The following MSI2 variants were observed in gnomAD, a reference collection of about 807,000 sequenced individuals.
MSI2 encodes musashi RNA binding protein 2, also known as RNA-binding protein Musashi homolog 2.
MSI2 carries 17 observed loss-of-function variants against 45.6 expected under a neutral mutation model. The observed-to-expected ratio is 0.37, with a 90% CI of 0.26 to 0.56. The LOEUF is 0.56. Among genes scored for constraint, MSI2 ranks in the 20% least tolerant of loss-of-function variants. The probability of loss-of-function intolerance (pLI) is 0.77; values close to 1 mark genes in which losing one functional copy is unlikely to be tolerated. For synonymous variants in MSI2, 156 were observed against 158.2 expected (o/e 0.99, Z 0.11); for missense variants, 293 against 444.2 (o/e 0.66, Z 3.06).
At chr17:57,311,428 C>T (rs1297684616) in intron 5 of MSI2, among the ~76,000 whole-genome samples, 1 of 152,192 alleles carries the variant, frequency 6.6e-6, no homozygotes, top group Admixed American at 6.5e-5. Flanking sequence ...AAACACTCCC[C>T]ACTGTTCAAG....
At chr17:57,492,284 G>A (rs971945456) in intron 6 of MSI2, among the ~76,000 whole-genome samples, 2 of 152,134 alleles carry the variant, frequency 1.3e-5, no homozygotes, top group East Asian at 3.8e-4. Context: ...AAATCAGGAC[G>A]GCATAAATTA....
At chr17:57,288,790 T>C (rs1468160270) in intron 5 of MSI2, among the ~76,000 whole-genome samples, 1 of 152,198 alleles carries the variant, frequency 6.6e-6, no homozygotes, top group Non-Finnish European at 1.5e-5. Flanking sequence ...TTTGGCACTG[T>C]TGACATTTTG....
intron 8 of MSI2, among the ~76,000 whole-genome samples, chr17:57,605,308 G>A (rs1261810827): frequency 3.9e-5 from 6 of 152,222 alleles, no homozygotes; most frequent in Non-Finnish European, 1.5e-5. Flanking sequence ...TGGTTCGGTG[G>A]TAAATGTTTG....
At chr17:57,446,641 G>A (rs988201921) in intron 6 of MSI2, among the ~76,000 whole-genome samples, 1 of 152,210 alleles carries the variant, frequency 6.6e-6, no homozygotes, top group African/African-American at 2.4e-5. Flanking sequence ...CTCTGGGAAT[G>A]TTCTTAACAG....
At position 57,526,410 on chromosome 17, in the gene MSI2, A is replaced by T. The variant is rs1307659536; in HGVS notation, c.406-3266A>T. ...GTGTGTGTGTGTGTGTGTGTGTGTG[A>T]CAGAGAGAGAGAGAGAGAGACAAAG... On this transcript the variant is annotated intron_variant, in intron 6 of 13. Transcript: ENST00000284073. Among the ~76,000 whole-genome samples, 331 of 105,396 alleles carry T rather than the reference A, an allele frequency of 3.1e-3. 1 individual carries two copies. The highest frequency in any genetic ancestry group is 7.6e-3 in the African/African-American group (230 of 30,448). The allele number at this position is 105,396 out of a possible 152,430, so 69.1% of individuals were successfully genotyped here. A position where few individuals can be genotyped will look rare whatever the true frequency, so the allele number is the denominator to read the frequency against.
At chr17:57,294,198 TG>T (rs1910722909) in intron 5 of MSI2, among the ~76,000 whole-genome samples, 1 of 152,194 alleles carries the variant, frequency 6.6e-6, no homozygotes, top group African/African-American at 2.4e-5. Context: ...ATTGGATATT[TG>T]TTTGACCTTT....
intron 7 of MSI2, among the ~76,000 whole-genome samples, chr17:57,554,362 T>G (rs1228630140): frequency 6.6e-6 from 1 of 152,118 alleles, no homozygotes; most frequent in Non-Finnish European, 1.5e-5. Context: ...AAAGTCACCC[T>G]CCATCAAGTA....
At chr17:57,489,570 A>G (rs2143797515) in intron 6 of MSI2, among the ~76,000 whole-genome samples, 1 of 152,350 alleles carries the variant, frequency 6.6e-6, no homozygotes, top group South Asian at 2.1e-4. Flanking sequence ...GCCAGCTGGT[A>G]CAGCCCAGCA....
At chr17:57,700,266 G>C in the MSI2 span, among the ~76,000 whole-genome samples, 1 of 152,184 alleles carries the variant, frequency 6.6e-6, no homozygotes, top group Non-Finnish European at 1.5e-5. Flanking sequence ...GAATATGCCG[G>C]CTTGTGTAAA....
At chr17:57,554,551 G>A (rs2087387312) in intron 7 of MSI2, among the ~76,000 whole-genome samples, 1 of 152,158 alleles carries the variant, frequency 6.6e-6, no homozygotes, top group Non-Finnish European at 1.5e-5. Context: ...TGAAAGATAT[G>A]AGGGAATGTT....
At chr17:57,410,286 A>G (rs2084170928) in intron 6 of MSI2, among the ~76,000 whole-genome samples, 1 of 151,502 alleles carries the variant, frequency 6.6e-6, no homozygotes, top group Non-Finnish European at 1.5e-5. Context: ...AGGAGATTTA[A>G]ATACTCCTTC....
Position 57,596,969 on chromosome 17 carries a change from C to T in MSI2, c.537+19C>T, listed in dbSNP as rs748095690. The T allele has an allele frequency of 1.3e-5, 20 of 1,553,172 alleles. No homozygotes were observed. The highest frequency in any genetic ancestry group is 2.2e-5 in the East Asian group (1 of 44,602). ...TAAAATGGTAAGTGTGTAGGGGTTGCGCTGAAATGGAATGCCCCCTTTCTC... is the reference window on the plus strand; with the variant it reads ...TAAAATGGTAAGTGTGTAGGGGTTGTGCTGAAATGGAATGCCCCCTTTCTC... On this transcript the variant is annotated intron_variant, in intron 8 of 13. Transcript: ENST00000284073. This position sits in a 1 kb window ranked among gnomAD's most constrained non-coding sequence, Gnocchi z 4.6.
At chr17:57,658,990 T>C (rs1367154832) in intron 11 of MSI2, among the ~76,000 whole-genome samples, 1 of 152,032 alleles carries the variant, frequency 6.6e-6, no homozygotes, top group Non-Finnish European at 1.5e-5. Context: ...GTGAGAACCA[T>C]CCAAGGAGCA....
intron 11 of MSI2, among the ~76,000 whole-genome samples, chr17:57,665,874 C>T (rs1437019978): frequency 6.6e-6 from 1 of 152,168 alleles, no homozygotes; most frequent in African/African-American, 2.4e-5. Flanking sequence ...TCCACGCTGA[C>T]CCCACCAGTA....
At chr17:57,258,202 C>A in intron 3 of MSI2, 68 bp from the exon 4 acceptor site, 3 of 1,405,084 alleles carry the variant, frequency 2.1e-6, no homozygotes, top group Non-Finnish European at 2.0e-6. Flanking sequence ...CCTTAGGTCT[C>A]ACTCCTGGTT....
Position 57,682,365 on chromosome 17 carries a change from C to T in MSI2, c.*2848C>T, listed in dbSNP as rs1341789740. ...AAGGGGTGCCATACTACCTTAAATG[C>T]TAATGCTAGATATGCAAAACTGGAT... On this transcript the variant is annotated 3_prime_UTR_variant, in exon 14 of 14. Coordinates refer to ENST00000284073, the MANE Select transcript of MSI2 (RefSeq NM_138962.4). 1 of 129,338 alleles carries T rather than the reference C, an allele frequency of 7.7e-6. No individual in the cohort carries two copies. 8.0% of individuals were successfully genotyped at this position (129,338 alleles called of 1,614,324 possible).
At chr17:57,671,133 G>A (rs1158939880) in intron 11 of MSI2, among the ~76,000 whole-genome samples, 1 of 152,086 alleles carries the variant, frequency 6.6e-6, no homozygotes, top group African/African-American at 2.4e-5. Context: ...GGGCAAAGAG[G>A]AACCTGCCAT....
intron 6 of MSI2, among the ~76,000 whole-genome samples, chr17:57,434,897 A>G (rs2084664245): frequency 6.6e-6 from 1 of 152,154 alleles, no homozygotes; most frequent in Non-Finnish European, 1.5e-5. Context: ...AGTGTCTTCA[A>G]CATGTCAGGT....
intron 6 of MSI2, among the ~76,000 whole-genome samples, chr17:57,476,394 A>G (rs1255035073): frequency 2.0e-5 from 3 of 152,190 alleles, no homozygotes; most frequent in Non-Finnish European, 4.4e-5. Flanking sequence ...GGAGCCTTCA[A>G]CTAGACAACT....
Sources: allele counts gnomAD v4.1 joint callset (sites outside exome capture counted in the v4.1 genomes callset), GRCh38; gene constraint gnomAD v4.1.1; non-coding constraint Gnocchi (gnomAD v3.1); transcripts MANE v1.5; gene names NCBI Gene and HGNC (gene_info 2026-07-23, HGNC 2026-07-21).